CTNNA3: variants seen among roughly 807,000 people sequenced by gnomAD.
CTNNA3 encodes catenin alpha-3.
A neutral mutation model predicts 95.7 loss-of-function variants in CTNNA3; 76 were observed. The ratio of observed to expected loss-of-function variants is 0.79; its 90% confidence interval spans 0.66 to 0.96. The LOEUF (loss-of-function observed/expected upper bound fraction) is 0.96. CTNNA3 is among the 40% of genes least tolerant of loss of function. The probability of loss-of-function intolerance (pLI) is 0.00; values close to 1 mark genes in which losing one functional copy is unlikely to be tolerated. For synonymous variants in CTNNA3, 431 were observed against 374.4 expected (o/e 1.15, Z -1.74); for missense variants, 1,191 against 1,089.8 (o/e 1.09, Z -1.31).
intron 5 of CTNNA3, among the ~76,000 whole-genome samples, chr10:67,389,526 C>A (rs1399152413): frequency 1.3e-5 from 2 of 151,986 alleles, no homozygotes; most frequent in African/African-American, 4.8e-5. Context: ...CAAGGATACC[C>A]AGGAATTGAA....
intron 5 of CTNNA3, among the ~76,000 whole-genome samples, chr10:67,372,198 T>G (rs1442833127): frequency 1.3e-5 from 2 of 152,178 alleles, no homozygotes; most frequent in African/African-American, 2.4e-5. Context: ...TCTGATGGTA[T>G]TTTCTTTTGC....
At chr10:66,912,791 C>G (rs1846275664) in intron 7 of CTNNA3, among the ~76,000 whole-genome samples, 1 of 152,060 alleles carries the variant, frequency 6.6e-6, no homozygotes, top group African/African-American at 2.4e-5. Flanking sequence ...ATTCAAAATT[C>G]ATAAATAAAT....
In CTNNA3 at chr10:66,932,702, G is replaced by C. The variant is rs112824712; in HGVS notation, c.1048-157178C>G. ...TAGCTCTAATTAAAAATGAATTAAA[G>C]AAATAATAATAATACATAGGTGAAA... On this transcript the variant is annotated intron_variant, in intron 7 of 17. Coordinates refer to ENST00000433211, the MANE Select transcript of CTNNA3 (RefSeq NM_013266.4). Among the ~76,000 whole-genome samples the C allele has an allele frequency of 1.8e-4, 3 of 16,968 alleles. No individual in the cohort carries two copies. In the South Asian group the frequency reaches 0.02, roughly 112 times the overall value. The allele number at this position is 16,968 out of a possible 152,430, so 11.1% of individuals were successfully genotyped here.
Position 65,917,288 on chromosome 10 carries a change from G to A in CTNNA3, c.*3042C>T, listed in dbSNP as rs1273496398. The A allele has an allele frequency of 6.6e-6, 1 of 152,016 alleles. No homozygotes were observed. Among genetic ancestry groups the A allele is most frequent in the Non-Finnish European group, 1.5e-5 (1 of 67,982 alleles). The allele number at this position is 152,016 out of a possible 1,614,324, so 9.4% of individuals were successfully genotyped here. On this transcript the variant is annotated 3_prime_UTR_variant, in exon 18 of 18. Coordinates refer to ENST00000433211, the MANE Select transcript of CTNNA3 (RefSeq NM_013266.4). ...ATTAGCTTAGAAATTTAGTGTTTGA[G>A]TTTTTTCTTGACTCATTCAAGAACT...
At chr10:66,075,785 C>A (rs578107549) in intron 14 of CTNNA3, among the ~76,000 whole-genome samples, 1 of 151,638 alleles carries the variant, frequency 6.6e-6, no homozygotes, top group African/African-American at 2.4e-5. Flanking sequence ...TGGCTAGTGA[C>A]AGATGTGATG....
chr10:66,977,413 C>T (rs1366790737), intron 7 of CTNNA3, among the ~76,000 whole-genome samples: 5 of 141,448 alleles, frequency 3.5e-5, no homozygotes, highest in East Asian at 2.1e-4. Context: ...TCCAGCCTGG[C>T]GATAGAGTGA....
intron 9 of CTNNA3, among the ~76,000 whole-genome samples, chr10:66,712,610 A>T (rs1050449131): frequency 4.6e-5 from 7 of 151,454 alleles, no homozygotes; most frequent in Non-Finnish European, 7.4e-5. Flanking sequence ...TCTCTCTCTC[A>T]CACACACAGC....
At chr10:66,645,564 C>T (rs1845679503) in intron 9 of CTNNA3, among the ~76,000 whole-genome samples, 1 of 152,102 alleles carries the variant, frequency 6.6e-6, no homozygotes, top group Admixed American at 6.5e-5. Context: ...TATTCCAGGG[C>T]TCCCCAACCC....
At chr10:66,753,952 T>A (rs941939922) in intron 9 of CTNNA3, among the ~76,000 whole-genome samples, 1 of 152,050 alleles carries the variant, frequency 6.6e-6, no homozygotes, top group Non-Finnish European at 1.5e-5. Flanking sequence ...AAGATGGAAA[T>A]ACTCCCAAAC....
intron 14 of CTNNA3, among the ~76,000 whole-genome samples, chr10:66,096,963 G>A (rs1180062019): frequency 6.6e-6 from 1 of 152,146 alleles, no homozygotes; most frequent in East Asian, 1.9e-4. Context: ...TTTACTAAAT[G>A]GTGAGGGAAA....
At position 67,711,568 on chromosome 10, in the gene CTNNA3, A is replaced by AATTTATTT. The variant is rs572590258; in HGVS notation, c.-2+51858_-2+51865dup. Reference sequence around the variant, plus strand: ...ATGATTTAGGGTATCTGGCAGAAGAAATTTATTTATTTATTTATTTATTTT... The same window carrying AATTTATTT: ...ATGATTTAGGGTATCTGGCAGAAGAAATTTATTTATTTATTTATTTATTTATTTATTTT... On this transcript the variant is annotated intron_variant, in intron 1 of 17. Transcript: ENST00000684154. Among the ~76,000 whole-genome samples, 20 of 134,074 alleles carry AATTTATTT rather than the reference A, an allele frequency of 1.5e-4. No individual in the cohort carries two copies. In the East Asian group the frequency reaches 1.6e-3, roughly 11 times the overall value. The allele number at this position is 134,074 out of a possible 152,430, so 88.0% of individuals were successfully genotyped here. A position where few individuals can be genotyped will look rare whatever the true frequency, so the allele number is the denominator to read the frequency against.
At chr10:66,957,007 T>C (rs369309277) in intron 7 of CTNNA3, among the ~76,000 whole-genome samples, 1 of 152,280 alleles carries the variant, frequency 6.6e-6, no homozygotes, top group Non-Finnish European at 1.5e-5. Flanking sequence ...ATGTAGAAGA[T>C]AATTCAAAAG....
At chr10:67,080,628 G>C (rs776321289) in intron 7 of CTNNA3, among the ~76,000 whole-genome samples, 1 of 152,066 alleles carries the variant, frequency 6.6e-6, no homozygotes, top group African/African-American at 2.4e-5. Flanking sequence ...GTGAAGTAAC[G>C]GCCGGGCATG....
chr10:66,446,686 G>C (rs1420502638), intron 11 of CTNNA3, among the ~76,000 whole-genome samples: 2 of 152,040 alleles, frequency 1.3e-5, no homozygotes, highest in African/African-American at 2.4e-5. Context: ...AAAATAATAA[G>C]AGCTATCTAT....
intron 12 of CTNNA3, among the ~76,000 whole-genome samples, chr10:66,316,737 A>C (rs1269355967): frequency 6.6e-6 from 1 of 152,122 alleles, no homozygotes; most frequent in African/African-American, 2.4e-5. Flanking sequence ...GTTTATAACA[A>C]CAGGAGTTGA....
chr10:66,092,168 C>T (rs1392693097), intron 14 of CTNNA3, among the ~76,000 whole-genome samples: 1 of 151,824 alleles, frequency 6.6e-6, no homozygotes, highest in Non-Finnish European at 1.5e-5. Context: ...TTACCTCTCA[C>T]CATATATACA....
intron 14 of CTNNA3, among the ~76,000 whole-genome samples, chr10:66,081,745 T>C (rs578106399): frequency 6.6e-6 from 1 of 152,278 alleles, no homozygotes; most frequent in African/African-American, 2.4e-5. Context: ...CAGTAATTAT[T>C]CTTTGGCAAG....
intron 7 of CTNNA3, among the ~76,000 whole-genome samples, chr10:66,875,098 AT>A (rs1453822502): frequency 6.6e-6 from 1 of 152,184 alleles, no homozygotes; most frequent in African/African-American, 2.4e-5. Flanking sequence ...AGTGGTGCTG[AT>A]GACGAATTTG....
intron 15 of CTNNA3, among the ~76,000 whole-genome samples, chr10:66,019,983 T>C (rs1589256413): frequency 6.6e-6 from 1 of 152,210 alleles, no homozygotes; most frequent in Admixed American, 6.5e-5. Context: ...TGGAAATAGA[T>C]TGAGTTCTCC....
Sources: gnomAD v4.1 joint callset for allele counts (sites outside exome capture counted in the v4.1 genomes callset) on GRCh38, gnomAD v4.1.1 for gene constraint, MANE v1.5 for transcripts, NCBI Gene and HGNC (gene_info 2026-07-23, HGNC 2026-07-21) for gene names.